CDH12: variants seen among roughly 807,000 people sequenced by gnomAD.
CDH12 encodes the protein cadherin 12.
In CDH12, 41 loss-of-function variants were observed where a neutral mutation model predicts 74.1. That is an observed-to-expected ratio of 0.55 (90% CI 0.43 to 0.72). CDH12 has a LOEUF of 0.72. Ranked by LOEUF, CDH12 falls within the 30% of genes least tolerant of loss-of-function variation. CDH12 has a pLI of 0.00. For missense variants in CDH12, 945 were observed against 977.2 expected (o/e 0.97, Z 0.44); for synonymous variants, 399 against 355.0 (o/e 1.12, Z -1.39).
chr5:21,850,491 T>G (rs1303857366), intron 7 of CDH12, among the ~76,000 whole-genome samples: 4 of 151,614 alleles, frequency 2.6e-5, no homozygotes, highest in Non-Finnish European at 4.4e-5. Context: ...AGTATGTCTA[T>G]AGTATCATAA....
rs1580745267 is a variant in CDH12 at position 22,537,805 on chromosome 5, T to G, written c.-522-32441A>C. 2.0e-5 allele frequency among the ~76,000 whole-genome samples: 3 copies of G among 152,340 alleles called. No individual in the cohort carries two copies. In the South Asian group the frequency reaches 6.2e-4, roughly 32 times the overall value. ...CCAAAATAAACTTGTCTGTGACTGT[T>G]TAGCCACTTTTTGTGTTTGTTTCCG... On this transcript the variant is annotated intron_variant, in intron 1 of 14. Transcript: ENST00000382254.
chr5:22,024,819 CA>C (rs1300088754), intron 5 of CDH12, among the ~76,000 whole-genome samples: 1 of 152,060 alleles, frequency 6.6e-6, no homozygotes, highest in Non-Finnish European at 1.5e-5. Flanking sequence ...TGGCCAAAAG[CA>C]AATTAAATTA....
At chr5:22,698,946 T>C (rs964523242) in intron 1 of CDH12, among the ~76,000 whole-genome samples, 4 of 151,780 alleles carry the variant, frequency 2.6e-5, no homozygotes, top group Admixed American at 6.6e-5. Flanking sequence ...TTGTGTTTGA[T>C]GTGCATTTCT....
intron 3 of CDH12, among the ~76,000 whole-genome samples, chr5:22,309,321 C>T (rs79297039): frequency 6.6e-6 from 1 of 151,866 alleles, no homozygotes; most frequent in Non-Finnish European, 1.5e-5. Flanking sequence ...AGAAAGTGTA[C>T]GTGTTTAAGA....
At chr5:22,385,915 G>C (rs919299138) in intron 3 of CDH12, among the ~76,000 whole-genome samples, 6 of 125,440 alleles carry the variant, frequency 4.8e-5, no homozygotes, top group Non-Finnish European at 8.2e-5. Flanking sequence ...TTTTGAGACT[G>C]AGTTTCACTT....
At chr5:22,816,145 C>T (rs1749383904) in intron 1 of CDH12, among the ~76,000 whole-genome samples, 1 of 152,092 alleles carries the variant, frequency 6.6e-6, no homozygotes, top group African/African-American at 2.4e-5. Context: ...TTTTTCCTCT[C>T]TTACTAATAT....
intron 5 of CDH12, among the ~76,000 whole-genome samples, chr5:22,003,133 T>A (rs1736701030): frequency 6.6e-6 from 1 of 152,052 alleles, no homozygotes; most frequent in Non-Finnish European, 1.5e-5. Flanking sequence ...TTTGCTTTTA[T>A]AAATTTATGA....
chr5:22,473,108 C>T (rs1271445403), intron 2 of CDH12, among the ~76,000 whole-genome samples: 2 of 152,108 alleles, frequency 1.3e-5, no homozygotes, highest in Admixed American at 6.6e-5. Flanking sequence ...ATTACTCCCA[C>T]ATCTGTGCCT....
chr5:22,022,329 G>A (rs556348717), intron 5 of CDH12, among the ~76,000 whole-genome samples: 27 of 152,158 alleles, frequency 1.8e-4, no homozygotes, highest in Middle Eastern at 6.8e-3. Flanking sequence ...TTGTTTAAAA[G>A]TGTGTAGTAC....
intron 1 of CDH12, among the ~76,000 whole-genome samples, chr5:22,810,609 C>T (rs1441722201): frequency 6.6e-6 from 1 of 151,920 alleles, no homozygotes; most frequent in Non-Finnish European, 1.5e-5. Flanking sequence ...TAAAAATGGG[C>T]CACGCACCTG....
intron 3 of CDH12, among the ~76,000 whole-genome samples, chr5:22,248,124 A>T (rs1753019003): frequency 6.6e-6 from 1 of 152,082 alleles, no homozygotes; most frequent in Non-Finnish European, 1.5e-5. Flanking sequence ...TGGTGGTAAA[A>T]TCCCGTCTCT....
At chr5:22,359,911 T>C (rs1283132293) in intron 3 of CDH12, among the ~76,000 whole-genome samples, 1 of 152,018 alleles carries the variant, frequency 6.6e-6, no homozygotes, top group Non-Finnish European at 1.5e-5. Context: ...TACCAGAATC[T>C]ATGGGATACA....
chr5:22,445,391 C>T (rs1744780600), intron 2 of CDH12, among the ~76,000 whole-genome samples: 1 of 152,162 alleles, frequency 6.6e-6, no homozygotes, highest in Non-Finnish European at 1.5e-5. Flanking sequence ...CCCTGCCCAC[C>T]TCCCATATTG....
chr5:22,039,331 G>A (rs1292264646), intron 5 of CDH12, among the ~76,000 whole-genome samples: 1 of 152,012 alleles, frequency 6.6e-6, no homozygotes, highest in Non-Finnish European at 1.5e-5. Flanking sequence ...CTATACTCCT[G>A]AACCTAAGCT....
intron 1 of CDH12, among the ~76,000 whole-genome samples, chr5:22,591,513 T>C (rs138606074): frequency 4.3e-4 from 66 of 152,312 alleles, no homozygotes; most frequent in African/African-American, 1.5e-3. Context: ...ATACATATTC[T>C]CCTGAAAGTA....
chr5:21,803,484 T>C (rs1445938039), intron 9 of CDH12, among the ~76,000 whole-genome samples: 3 of 152,128 alleles, frequency 2.0e-5, no homozygotes, highest in Non-Finnish European at 4.4e-5. Context: ...GAAAGTCATT[T>C]TCTATGGAGT....
chr5:22,064,661 C>A (rs2150209703), intron 5 of CDH12, among the ~76,000 whole-genome samples: 1 of 152,188 alleles, frequency 6.6e-6, no homozygotes, highest in East Asian at 1.9e-4. Flanking sequence ...ACATTTTTGT[C>A]AAACTAATGA....
At chr5:22,632,360 T>C (rs1455671518) in intron 1 of CDH12, among the ~76,000 whole-genome samples, 1 of 152,030 alleles carries the variant, frequency 6.6e-6, no homozygotes, top group Non-Finnish European at 1.5e-5. Flanking sequence ...ATTAAATAAA[T>C]ACAAATAAAT....
In CDH12 at chr5:22,524,539, A is replaced by G. The variant is rs539223419; in HGVS notation, c.-522-19175T>C. Among the ~76,000 whole-genome samples, 494 of 152,316 alleles carry G rather than the reference A, an allele frequency of 3.2e-3. 2 individuals are homozygous for G. The highest frequency in any genetic ancestry group is 6.1e-3 in the Non-Finnish European group (412 of 68,026). ...TAAACGTGTGACATGCATATATTAT[A>G]TAAAACATTTTTTCTTTAGTTGACA... On this transcript the variant is annotated intron_variant, in intron 1 of 14. Transcript: ENST00000382254.
Sources: allele counts gnomAD v4.1 joint callset (sites outside exome capture counted in the v4.1 genomes callset), GRCh38; gene constraint gnomAD v4.1.1; transcripts MANE v1.5; gene names NCBI Gene and HGNC (gene_info 2026-07-23, HGNC 2026-07-21).